Variants in NSUN3 observed in about 807,000 individuals in gnomAD.
NSUN3 encodes the protein tRNA (cytosine(34)-C(5))-methyltransferase, mitochondrial.
Under a neutral mutation model 36.8 loss-of-function variants are expected in NSUN3, and 24 were observed. That is an observed-to-expected ratio of 0.65 (90% CI 0.47 to 0.92). The LOEUF (loss-of-function observed/expected upper bound fraction) is 0.92, where lower values mean the gene tolerates loss of function less well. Ranked by LOEUF, NSUN3 falls within the 40% of genes least tolerant of loss-of-function variation. The pLI is 0.00. For missense variants in NSUN3, 381 were observed against 392.8 expected, an observed-to-expected ratio of 0.97 and a Z score of 0.25; for synonymous variants, 146 against 145.2, an observed-to-expected ratio of 1.01 and a Z score of -0.04.
intron 5 of NSUN3, among the ~76,000 whole-genome samples, chr3:94,109,320 G>A (rs892983583): frequency 2.0e-5 from 3 of 152,190 alleles, no homozygotes; most frequent in African/African-American, 7.2e-5. Flanking sequence ...TGATTTGGTA[G>A]TTAATTACAC....
intron 3 of NSUN3, among the ~76,000 whole-genome samples, chr3:94,093,006 T>A (rs1190434322): frequency 4.7e-5 from 7 of 148,858 alleles, no homozygotes; most frequent in Non-Finnish European, 7.4e-5. Flanking sequence ...ACACCTCTCA[T>A]GTGAGATAAA....
chr3:94,109,596 G>A (rs1179783322), intron 5 of NSUN3, among the ~76,000 whole-genome samples: 1 of 152,180 alleles, frequency 6.6e-6, no homozygotes, highest in African/African-American at 2.4e-5. Context: ...GATGAAACAC[G>A]TCTCTTCTCT....
intron 2 of NSUN3, 43 bp downstream of exon 2, chr3:94,064,589 C>A: frequency 8.4e-7 from 1 of 1,184,802 alleles, no homozygotes; most frequent in Non-Finnish European, 1.3e-6. Context: ...GAACAAAGTA[C>A]AATATGTAGT....
chr3:94,115,943 T>C (rs1308051736), intron 5 of NSUN3, among the ~76,000 whole-genome samples: 1 of 152,222 alleles, frequency 6.6e-6, no homozygotes, highest in African/African-American at 2.4e-5. Context: ...GGTTTAAATT[T>C]TGGTTATGTT....
At chr3:94,125,929 GGCC>G (rs1560043401) in intron 5 of NSUN3, among the ~76,000 whole-genome samples, 1 of 152,012 alleles carries the variant, frequency 6.6e-6, no homozygotes, top group Non-Finnish European at 1.5e-5. Flanking sequence ...GCATGGTGGA[GGCC>G]GCCTGTAATC....
chr3:94,094,431 G>GATAAAAAA, intron 4 of NSUN3, 137 bp downstream of exon 4: 1 of 805,270 alleles, frequency 1.2e-6, no homozygotes, highest in African/African-American at 1.7e-5. Flanking sequence ...TTTTGATAAA[G>GATAAAAAA]TGAACATGGA....
intron 5 of NSUN3, among the ~76,000 whole-genome samples, chr3:94,111,048 A>G (rs1467265013): frequency 1.3e-5 from 2 of 152,160 alleles, no homozygotes; most frequent in African/African-American, 2.4e-5. Flanking sequence ...GATACAGCCT[A>G]CTACTACACA....
At position 94,128,782 on chromosome 3, in the gene NSUN3, C is replaced by G. The variant is rs994261425; in HGVS notation, c.*2292C>G. Reference sequence around the variant, plus strand: ...TCTAATATCCAGAATCTATAAGGAACTTAAATCAGCAAGCAAAAAACAAAT... The same window carrying G: ...TCTAATATCCAGAATCTATAAGGAAGTTAAATCAGCAAGCAAAAAACAAAT... On this transcript the variant is annotated 3_prime_UTR_variant, in exon 6 of 6. Coordinates refer to ENST00000314622, the MANE Select transcript of NSUN3 (RefSeq NM_022072.5). Among the ~76,000 whole-genome samples the G allele has an allele frequency of 6.6e-6, 1 of 151,842 alleles. No homozygotes were observed. The highest frequency in any genetic ancestry group is 2.4e-5 in the African/African-American group (1 of 41,364).
In NSUN3 at chr3:94,126,224, G is replaced by T. The variant is rs1439236495; in HGVS notation, c.757G>T (p.Ala253Ser). 1.9e-6 allele frequency: 3 copies of T among 1,611,902 alleles called. No homozygotes were observed. In the South Asian group the frequency reaches 3.3e-5, roughly 18 times the overall value. The change falls in exon 6 of 6, where the codon GCC becomes TCC. Residue 253 changes from alanine (A) to serine (S), a missense_variant. By Grantham distance (99) the Ala-to-Ser change is moderately conservative (BLOSUM62 1). Transcript: ENST00000314622. ...QIELLRSAIK[A>S]LRPGGILVYS... The stretch of plus-strand genomic sequence containing the variant: ...GATTGCACACAGGTCTGCAATTAAG[G>T]CCTTACGTCCTGGAGGGATACTTGT...
At chr3:94,102,680 A>T (rs1300268952) in intron 5 of NSUN3, among the ~76,000 whole-genome samples, 3 of 152,140 alleles carry the variant, frequency 2.0e-5, no homozygotes, top group Non-Finnish European at 4.4e-5. Flanking sequence ...TCTTTTTAAC[A>T]AGAGTTTACT....
At chr3:94,102,202 T>TAAAAAAAAAAAAAAA (rs5850923) in intron 5 of NSUN3, among the ~76,000 whole-genome samples, 6 of 101,564 alleles carry the variant, frequency 5.9e-5, no homozygotes, top group Admixed American at 1.1e-4. Flanking sequence ...AAAGAAACGT[T>TAAAAAAAAAAAAAAA]AAAAAAAAAA....
At chr3:94,066,779 GTAT>G (rs2077205339) in intron 2 of NSUN3, among the ~76,000 whole-genome samples, 1 of 152,258 alleles carries the variant, frequency 6.6e-6, no homozygotes, top group East Asian at 1.9e-4. Flanking sequence ...ACTCAAAAGT[GTAT>G]TATTATTTTT....
At chr3:94,080,106 T>C (rs1576084359) in intron 2 of NSUN3, among the ~76,000 whole-genome samples, 1 of 152,024 alleles carries the variant, frequency 6.6e-6, no homozygotes, top group East Asian at 1.9e-4. Flanking sequence ...CTTTGGCTGG[T>C]GGGGTCTTTG....
At chr3:94,069,159 A>G (rs1289697384) in intron 2 of NSUN3, among the ~76,000 whole-genome samples, 1 of 152,200 alleles carries the variant, frequency 6.6e-6, no homozygotes, top group Non-Finnish European at 1.5e-5. Flanking sequence ...TCTTATGTTC[A>G]GGATTTTTAG....
At chr3:94,072,039 A>G (rs920492847) in intron 2 of NSUN3, among the ~76,000 whole-genome samples, 2 of 152,162 alleles carry the variant, frequency 1.3e-5, no homozygotes, top group Non-Finnish European at 2.9e-5. Context: ...TTGCTTTCTC[A>G]GGGCTAGGAA....
intron 3 of NSUN3, chr3:94,084,753 T>A (rs1560032570): frequency 4.0e-6 from 1 of 249,114 alleles, no homozygotes; most frequent in Non-Finnish European, 7.8e-6. Context: ...TTTACCTTTA[T>A]ACTTGAGAGT....
chr3:94,091,671 T>C (rs1285188231), intron 3 of NSUN3, among the ~76,000 whole-genome samples: 1 of 152,208 alleles, frequency 6.6e-6, no homozygotes, highest in Non-Finnish European at 1.5e-5. Context: ...ATGTTAAAAG[T>C]CTTTTGGGTT....
intron 5 of NSUN3, among the ~76,000 whole-genome samples, chr3:94,097,730 CA>C (rs1434579155): frequency 6.6e-6 from 1 of 152,172 alleles, no homozygotes; most frequent in Non-Finnish European, 1.5e-5. Flanking sequence ...CTTCCCTTGA[CA>C]TTTGTGATCA....
At chr3:94,097,129 A>T (rs2077344804) in intron 5 of NSUN3, among the ~76,000 whole-genome samples, 5 of 152,104 alleles carry the variant, frequency 3.3e-5, no homozygotes, top group Admixed American at 6.5e-5. Context: ...ATTAATTTTT[A>T]AAATTTTTAG....
Sources: allele counts gnomAD v4.1 joint callset (sites outside exome capture counted in the v4.1 genomes callset), GRCh38; gene constraint gnomAD v4.1.1; transcripts MANE v1.5; gene names NCBI Gene and HGNC (gene_info 2026-07-23, HGNC 2026-07-21).